The following NRXN1 variants were observed in gnomAD, a reference collection of about 807,000 sequenced individuals.
The protein encoded by NRXN1 is neurexin-1.
In NRXN1, 39 loss-of-function variants were observed where a neutral mutation model predicts 150.9. That is an observed-to-expected ratio of 0.26 (90% confidence interval 0.20 to 0.34). NRXN1 has a LOEUF of 0.34. Ranked by LOEUF, NRXN1 falls within the 10% of genes least tolerant of loss-of-function variation. The probability of loss-of-function intolerance (pLI) is 1.00; values close to 1 mark genes in which losing one functional copy is unlikely to be tolerated. For synonymous variants in NRXN1, 924 were observed against 757.0 expected (o/e 1.22, Z -3.62); for missense variants, 1,815 against 1,949.9 (o/e 0.93, Z 1.30).
At chr2:50,733,261 T>C (rs1221692367) in intron 5 of NRXN1, among the ~76,000 whole-genome samples, 1 of 152,124 alleles carries the variant, frequency 6.6e-6, no homozygotes, top group Non-Finnish European at 1.5e-5. Context: ...AAAAATTAAA[T>C]TTAATTGTAT....
chr2:50,835,286 A>T (rs1671953609), intron 5 of NRXN1, among the ~76,000 whole-genome samples: 1 of 152,188 alleles, frequency 6.6e-6, no homozygotes, highest in East Asian at 1.9e-4. Flanking sequence ...ATCTAATGAT[A>T]CCCTTAAAAT....
chr2:50,936,615 T>A (rs920988228), intron 2 of NRXN1, among the ~76,000 whole-genome samples: 1 of 152,102 alleles, frequency 6.6e-6, no homozygotes, highest in African/African-American at 2.4e-5. Flanking sequence ...ATGTGTAATA[T>A]TGAAAATAAT....
chr2:50,189,104 C>T (rs1256333942), intron 18 of NRXN1, among the ~76,000 whole-genome samples: 1 of 152,112 alleles, frequency 6.6e-6, no homozygotes, highest in Admixed American at 6.6e-5. Flanking sequence ...ATAGCAAAGA[C>T]TTGGAACCAA....
chr2:50,400,996 TGAG>T (rs2082355357), intron 17 of NRXN1, among the ~76,000 whole-genome samples: 1 of 152,176 alleles, frequency 6.6e-6, no homozygotes, highest in African/African-American at 2.4e-5. Context: ...TGAACTGCAC[TGAG>T]AAGTGCCCAC....
At chr2:50,528,597 A>AT (rs1460682038) in intron 12 of NRXN1, 28 bp downstream of exon 12, 1 of 1,319,292 alleles carries the variant, frequency 7.6e-7, no homozygotes, top group African/African-American at 1.5e-5. Context: ...GAGGAATAAC[A>AT]TTTTAAAAAT....
intron 16 of NRXN1, among the ~76,000 whole-genome samples, chr2:50,470,925 A>G (rs527647751): frequency 2.0e-5 from 3 of 151,934 alleles, no homozygotes; most frequent in African/African-American, 7.2e-5. Flanking sequence ...CTGATATAGG[A>G]ATATTAGCCT....
chr2:50,047,358 A>G (rs1484643983), intron 21 of NRXN1, among the ~76,000 whole-genome samples: 1 of 151,960 alleles, frequency 6.6e-6, no homozygotes, highest in Non-Finnish European at 1.5e-5. Flanking sequence ...ACATATATAT[A>G]TGTTCTGCAG....
At chr2:50,538,232 G>A in intron 10 of NRXN1, 21 bp downstream of exon 10, 2 of 1,597,252 alleles carry the variant, frequency 1.3e-6, no homozygotes, top group Middle Eastern at 1.7e-4. Context: ...GGAGTTGGCT[G>A]CTGGGGTTTT....
intron 17 of NRXN1, among the ~76,000 whole-genome samples, chr2:50,296,748 A>C (rs950489029): frequency 2.6e-5 from 4 of 151,816 alleles, no homozygotes; most frequent in Admixed American, 6.6e-5. Context: ...GATTACAGGT[A>C]TTAGCCACGC....
At chr2:50,338,933 T>C (rs1289771343) in intron 17 of NRXN1, among the ~76,000 whole-genome samples, 1 of 152,178 alleles carries the variant, frequency 6.6e-6, no homozygotes, top group East Asian at 1.9e-4. Context: ...AATCTAAAAT[T>C]ATCTGTTTTA....
chr2:50,091,252 T>A (rs1699511449), intron 19 of NRXN1, 71 bp downstream of exon 19: 5 of 1,552,086 alleles, frequency 3.2e-6, no homozygotes, highest in Non-Finnish European at 8.9e-7. Context: ...GTGAAACGGA[T>A]GCAAAACAGT....
chr2:50,989,730 T>C (rs1698261857), intron 2 of NRXN1, among the ~76,000 whole-genome samples: 1 of 152,028 alleles, frequency 6.6e-6, no homozygotes, highest in African/African-American at 2.4e-5. Flanking sequence ...TTCTAAAATT[T>C]ATCAATTATA....
Position 50,465,565 on chromosome 2 carries a change from C to A in NRXN1, c.3245-4G>T, listed in dbSNP as rs1057520338. 9 of 1,599,398 alleles carry A rather than the reference C, an allele frequency of 5.6e-6. No homozygotes were observed. In the Admixed American group the frequency reaches 6.9e-5, roughly 12 times the overall value. On this transcript the variant is annotated splice_polypyrimidine_tract_variant and splice_region_variant and intron_variant, in intron 16 of 22. Coordinates refer to ENST00000401669, the MANE Select transcript of NRXN1 (RefSeq NM_001330078.2). Reference sequence around the variant, plus strand: ...TCTTGGCAGGTTGTGCTGGGCCCTGCAAAACAATCCAAAGGAAACTTGGGT... The same window carrying A: ...TCTTGGCAGGTTGTGCTGGGCCCTGAAAAACAATCCAAAGGAAACTTGGGT...
intron 5 of NRXN1, among the ~76,000 whole-genome samples, chr2:50,673,222 A>G (rs1689099920): frequency 6.6e-6 from 1 of 152,144 alleles, no homozygotes; most frequent in African/African-American, 2.4e-5. Flanking sequence ...AAAATTATCT[A>G]GCACAATTTT....
chr2:49,919,026 G>C lies in NRXN1; in HGVS notation c.*2918C>G, dbSNP rs1487156328. The C allele has an allele frequency of 6.6e-6, 1 of 152,118 alleles. No individual in the cohort carries two copies. The highest frequency in any genetic ancestry group is 1.5e-5 in the Non-Finnish European group (1 of 67,974). The allele number at this position is 152,118 out of a possible 1,614,324, so 9.4% of individuals were successfully genotyped here. A position where few individuals can be genotyped will look rare whatever the true frequency, so the allele number is the denominator to read the frequency against. ...CAAAGCACTAGAAGGGTAGGGTTAT[G>C]TGGCCTTTCTTTGATGTCTTAGGGA... On this transcript the variant is annotated 3_prime_UTR_variant, in exon 23 of 23. Transcript: ENST00000401669.
intron 17 of NRXN1, among the ~76,000 whole-genome samples, chr2:50,243,777 T>A (rs1452637985): frequency 6.6e-6 from 1 of 151,750 alleles, no homozygotes; most frequent in Non-Finnish European, 1.5e-5. Context: ...ACATTGGAAG[T>A]CTGAAAGCAG....
intron 5 of NRXN1, among the ~76,000 whole-genome samples, chr2:50,793,296 A>G (rs1355403104): frequency 6.6e-6 from 1 of 152,118 alleles, no homozygotes; most frequent in Non-Finnish European, 1.5e-5. Flanking sequence ...GTTCAGATAA[A>G]TCATGCCAGG....
intron 5 of NRXN1, among the ~76,000 whole-genome samples, chr2:50,645,685 C>T (rs1684718153): frequency 6.6e-6 from 1 of 151,998 alleles, no homozygotes; most frequent in East Asian, 1.9e-4. Context: ...AGCATAAGAA[C>T]TAAGATCAGA....
chr2:50,790,557 G>C (rs996504566), intron 5 of NRXN1, among the ~76,000 whole-genome samples: 1 of 152,112 alleles, frequency 6.6e-6, no homozygotes, highest in South Asian at 2.1e-4. Flanking sequence ...GGAGAGAGAG[G>C]TTGCAGAGAT....
Sources: allele counts gnomAD v4.1 joint callset (sites outside exome capture counted in the v4.1 genomes callset), GRCh38; gene constraint gnomAD v4.1.1; transcripts MANE v1.5; gene names NCBI Gene and HGNC (gene_info 2026-07-23, HGNC 2026-07-21).